Variants in RPS6KC1 observed in about 807,000 individuals in gnomAD.
RPS6KC1 encodes the protein inactive ribosomal protein S6 kinase delta-1.
RPS6KC1 carries 54 observed loss-of-function variants against 103.8 expected under a neutral mutation model. The observed-to-expected ratio is 0.52, with a 90% CI of 0.42 to 0.65. The LOEUF is 0.65. Ranked by LOEUF, RPS6KC1 falls within the 30% of genes least tolerant of loss-of-function variation. The pLI is 0.00. For synonymous variants in RPS6KC1, 439 were observed against 438.7 expected (o/e 1.00, Z -0.01); for missense variants, 1,151 against 1,253.8 (o/e 0.92, Z 1.24).
the RPS6KC1 span, among the ~76,000 whole-genome samples, chr1:213,347,662 G>A: frequency 6.6e-6 from 1 of 152,156 alleles, no homozygotes; most frequent in African/African-American, 2.4e-5. Flanking sequence ...TATGATCACA[G>A]CACTGTGCTC....
the RPS6KC1 span, among the ~76,000 whole-genome samples, chr1:213,500,369 G>C: frequency 2.0e-5 from 3 of 152,108 alleles, no homozygotes; most frequent in Non-Finnish European, 4.4e-5. Context: ...CATCTCCTAG[G>C]ATCACAATGC....
chr1:213,519,753 A>G, the RPS6KC1 span, among the ~76,000 whole-genome samples: 1 of 152,208 alleles, frequency 6.6e-6, no homozygotes, highest in African/African-American at 2.4e-5. Context: ...GAGCAGCCAC[A>G]TGGTAACCAC....
chr1:213,460,908 A>C, the RPS6KC1 span, among the ~76,000 whole-genome samples: 3 of 152,174 alleles, frequency 2.0e-5, no homozygotes, highest in Non-Finnish European at 4.4e-5. Flanking sequence ...AGAATGTTGA[A>C]TATTGGCCCC....
chr1:213,848,136 C>T, the RPS6KC1 span, among the ~76,000 whole-genome samples: 3 of 152,112 alleles, frequency 2.0e-5, no homozygotes, highest in Admixed American at 6.5e-5. Context: ...TAATTTTTAA[C>T]ATTATTGATG....
At chr1:213,758,820 T>G in the RPS6KC1 span, among the ~76,000 whole-genome samples, 1 of 152,160 alleles carries the variant, frequency 6.6e-6, no homozygotes, top group South Asian at 2.1e-4. Flanking sequence ...AGGAGTTGCT[T>G]TTTATGAATG....
At chr1:213,830,444 G>A in the RPS6KC1 span, among the ~76,000 whole-genome samples, 11 of 152,126 alleles carry the variant, frequency 7.2e-5, no homozygotes, top group Non-Finnish European at 1.2e-4. Flanking sequence ...CCTGACTCAC[G>A]AGCAGGTAGT....
chr1:213,529,225 G>A, the RPS6KC1 span, among the ~76,000 whole-genome samples: 1 of 151,760 alleles, frequency 6.6e-6, no homozygotes, highest in Non-Finnish European at 1.5e-5. Flanking sequence ...CTTAGTTGGG[G>A]GGATCACGGG....
At chr1:213,298,564 G>A in the RPS6KC1 span, among the ~76,000 whole-genome samples, 2 of 152,022 alleles carry the variant, frequency 1.3e-5, no homozygotes, top group Non-Finnish European at 2.9e-5. Context: ...TGTTAGCTAA[G>A]TTTGAGCCTG....
chr1:213,283,464 A>G, the RPS6KC1 span, among the ~76,000 whole-genome samples: 2 of 152,162 alleles, frequency 1.3e-5, no homozygotes, highest in Non-Finnish European at 2.9e-5. Flanking sequence ...ATGGTATGTG[A>G]GAGAGAGAAG....
the RPS6KC1 span, among the ~76,000 whole-genome samples, chr1:213,580,665 A>G: frequency 5.3e-5 from 8 of 152,206 alleles, no homozygotes; most frequent in Non-Finnish European, 1.2e-4. Flanking sequence ...GCCTTCAGCA[A>G]TCACCACTCT....
At chr1:213,648,135 T>C in the RPS6KC1 span, among the ~76,000 whole-genome samples, 1 of 152,210 alleles carries the variant, frequency 6.6e-6, no homozygotes, top group Non-Finnish European at 1.5e-5. Context: ...ACCATGTATT[T>C]TGAAACCATG....
At chr1:213,168,386 T>C (rs1396758901) in intron 7 of RPS6KC1, among the ~76,000 whole-genome samples, 1 of 152,242 alleles carries the variant, frequency 6.6e-6, no homozygotes, top group Non-Finnish European at 1.5e-5. Flanking sequence ...CCTGGAATTA[T>C]AAAAGCATAA....
At chr1:213,486,974 G>A in the RPS6KC1 span, among the ~76,000 whole-genome samples, 1 of 152,200 alleles carries the variant, frequency 6.6e-6, no homozygotes, top group Non-Finnish European at 1.5e-5. Flanking sequence ...GGTCATCCCT[G>A]CCTTCTAGCT....
At chr1:213,799,690 T>G in the RPS6KC1 span, among the ~76,000 whole-genome samples, 2 of 152,286 alleles carry the variant, frequency 1.3e-5, no homozygotes, top group African/African-American at 4.8e-5. Flanking sequence ...CTGAGAGCAG[T>G]CTGAGATACA....
chr1:213,574,448 T>C, the RPS6KC1 span, among the ~76,000 whole-genome samples: 2 of 152,240 alleles, frequency 1.3e-5, no homozygotes, highest in Admixed American at 6.5e-5. Flanking sequence ...TAGTCATTGA[T>C]GGGCTAGAAC....
intron 1 of RPS6KC1, among the ~76,000 whole-genome samples, chr1:213,059,519 T>C (rs1210026109): frequency 6.6e-6 from 1 of 151,912 alleles, no homozygotes; most frequent in Admixed American, 6.6e-5. Context: ...TATTTATTTA[T>C]ATATATATAT....
intron 1 of RPS6KC1, among the ~76,000 whole-genome samples, chr1:213,052,458 T>C (rs1013816819): frequency 6.6e-6 from 1 of 152,058 alleles, no homozygotes; most frequent in Non-Finnish European, 1.5e-5. Flanking sequence ...ATAATTAACT[T>C]TATCAATTTT....
At chr1:213,186,039 A>G (rs1393528029) in intron 8 of RPS6KC1, among the ~76,000 whole-genome samples, 2 of 151,500 alleles carry the variant, frequency 1.3e-5, no homozygotes, top group East Asian at 3.9e-4. Context: ...TCACCCCCAC[A>G]TTTTGAGTTT....
At chr1:213,250,948 G>C (rs2094534488) in intron 12 of RPS6KC1, among the ~76,000 whole-genome samples, 1 of 152,074 alleles carries the variant, frequency 6.6e-6, no homozygotes, top group Non-Finnish European at 1.5e-5. Flanking sequence ...TGATACAAAT[G>C]ATCTCACCAG....
Sources: allele counts gnomAD v4.1 joint callset (sites outside exome capture counted in the v4.1 genomes callset), GRCh38; gene constraint gnomAD v4.1.1; transcripts MANE v1.5; gene names NCBI Gene and HGNC (gene_info 2026-07-23, HGNC 2026-07-21).